Variants in CCDC66 observed in about 807,000 individuals in gnomAD.
The protein encoded by CCDC66 is coiled-coil domain-containing protein 66.
A neutral mutation model predicts 128.3 loss-of-function variants in CCDC66; 133 were observed. The observed-to-expected ratio is 1.04, with a 90% CI of 0.90 to 1.20. The LOEUF (loss-of-function observed/expected upper bound fraction) is 1.20. Ranked by LOEUF, CCDC66 falls within the 50% of genes most tolerant of loss-of-function variation. The pLI, the probability that CCDC66 is intolerant of heterozygous loss-of-function variation, is 0.00. For synonymous variants in CCDC66, 387 were observed against 357.0 expected (o/e 1.08, Z -0.95); for missense variants, 1,126 against 1,075.5 (o/e 1.05, Z -0.66).
chr3:56,558,580 T>C (rs2064685479), intron 1 of CCDC66, among the ~76,000 whole-genome samples: 1 of 152,226 alleles, frequency 6.6e-6, no homozygotes, highest in Admixed American at 6.5e-5. Context: ...TAACTTAATT[T>C]ATAGTTTACC....
At chr3:56,582,126 C>T (rs1270465847) in intron 7 of CCDC66, among the ~76,000 whole-genome samples, 1 of 151,918 alleles carries the variant, frequency 6.6e-6, no homozygotes, top group African/African-American at 2.4e-5. Flanking sequence ...GGACGCCCCT[C>T]CCCAGCCTTG....
chr3:56,562,071 T>G (rs1216852524), intron 3 of CCDC66, among the ~76,000 whole-genome samples: 2 of 151,944 alleles, frequency 1.3e-5, no homozygotes, highest in Admixed American at 1.3e-4. Context: ...AGGCAGGCTC[T>G]CTCTCTTTGT....
At chr3:56,596,825 G>A (rs1397893239) in intron 10 of CCDC66, among the ~76,000 whole-genome samples, 1 of 146,814 alleles carries the variant, frequency 6.8e-6, no homozygotes, top group Non-Finnish European at 1.5e-5. Context: ...GACGTGATCA[G>A]CTCACTGCCG....
Position 56,564,138 on chromosome 3 carries a change from T to A in CCDC66, c.544+13T>A. On this transcript the variant is annotated intron_variant, in intron 4 of 17. Coordinates refer to ENST00000394672, the MANE Select transcript of CCDC66 (RefSeq NM_001141947.3). ...AAGGAGGCAAAAAGTAAGATTTTTC[T>A]AAAGTTTTCATGAATTTTGATTTTT... 6.4e-7 allele frequency: 1 copy of A among 1,573,354 alleles called. No individual in the cohort carries two copies. Among genetic ancestry groups the A allele is most frequent in the South Asian group, 1.2e-5 (1 of 85,774 alleles).
intron 7 of CCDC66, among the ~76,000 whole-genome samples, chr3:56,573,941 T>G (rs28493474): frequency 1.3e-5 from 2 of 151,748 alleles, no homozygotes; most frequent in Non-Finnish European, 2.9e-5. Context: ...ATTTAAAAAA[T>G]TTTTGGAATC....
chr3:56,583,849 G>T (rs2068877937), intron 7 of CCDC66, among the ~76,000 whole-genome samples: 1 of 151,630 alleles, frequency 6.6e-6, no homozygotes, highest in Admixed American at 6.6e-5. Context: ...AGGAAGAGGG[G>T]CTCCTCACTT....
At chr3:56,571,061 TC>T (rs2066548406) in intron 6 of CCDC66, 119 bp from the exon 7 acceptor site, 1 of 655,630 alleles carries the variant, frequency 1.5e-6, no homozygotes, top group Admixed American at 3.9e-5. Context: ...TTAATCTCCT[TC>T]CTAAAAAAGA....
intron 10 of CCDC66, among the ~76,000 whole-genome samples, chr3:56,613,217 G>A (rs186415665): frequency 1.3e-4 from 20 of 152,286 alleles, no homozygotes; most frequent in Admixed American, 7.8e-4. Flanking sequence ...TCCAGGTAAC[G>A]CCCTGTTAGT....
intron 10 of CCDC66, among the ~76,000 whole-genome samples, chr3:56,598,471 G>A (rs1342737436): frequency 1.3e-5 from 2 of 151,904 alleles, no homozygotes; most frequent in African/African-American, 2.4e-5. Context: ...AATGGTGAAA[G>A]TGGGCATCCT....
At chr3:56,565,206 T>A (rs1486407639) in intron 4 of CCDC66, 1 of 360,140 alleles carries the variant, frequency 2.8e-6, no homozygotes, top group African/African-American at 2.4e-5. Flanking sequence ...AACGTCAAGG[T>A]AATGAGTATT....
intron 10 of CCDC66, among the ~76,000 whole-genome samples, chr3:56,602,567 G>A (rs963113761): frequency 1.3e-5 from 2 of 151,946 alleles, no homozygotes; most frequent in African/African-American, 2.4e-5. Flanking sequence ...GCTCCTCTTT[G>A]TACCTCTGGT....
At position 56,566,603 on chromosome 3, in the gene CCDC66, G is replaced by C; in HGVS notation, c.554G>C (p.Ser185Thr). ...ENGKEAKSQY[S>T]LYLNSISNQP... ...GTATTTTACCTCCTAGGTCAATATA[G>C]TCTATATTTAAACAGTATTTCTAAT... The change falls in exon 5 of 18, where the codon AGT becomes ACT. Residue 185 changes from serine to threonine, a missense_variant. By Grantham distance (58) the Ser-to-Thr change is moderately conservative. Transcript: ENST00000394672. The C allele has an allele frequency of 6.4e-7, 1 of 1,566,098 alleles. No individual in the cohort carries two copies.
At chr3:56,613,073 G>A (rs757446157) in intron 10 of CCDC66, among the ~76,000 whole-genome samples, 13 of 152,168 alleles carry the variant, frequency 8.5e-5, no homozygotes, top group Non-Finnish European at 1.3e-4. Context: ...TGCAGGGGCT[G>A]TTGGGCCCCA....
At chr3:56,620,706 G>C (rs936352114) in intron 17 of CCDC66, 5 of 152,220 alleles carry the variant, frequency 3.3e-5, no homozygotes, top group African/African-American at 1.2e-4. Flanking sequence ...GTGACGAAGT[G>C]TTAGTTTACT....
At chr3:56,599,666 A>G (rs75516746) in intron 10 of CCDC66, among the ~76,000 whole-genome samples, 7,682 of 151,612 alleles carry the variant, frequency 0.051, 291 homozygotes, top group South Asian at 0.16. Flanking sequence ...ATGTGGTTTA[A>G]TTTCTATTTA....
At chr3:56,571,662 G>A (rs1362746323) in intron 7 of CCDC66, among the ~76,000 whole-genome samples, 1 of 152,108 alleles carries the variant, frequency 6.6e-6, no homozygotes, top group Non-Finnish European at 1.5e-5. Flanking sequence ...ACAGGCATGA[G>A]CCACCGTGCC....
intron 10 of CCDC66, among the ~76,000 whole-genome samples, chr3:56,607,004 C>CCTATTTTT (rs1559743270): frequency 6.6e-6 from 1 of 152,086 alleles, no homozygotes; most frequent in Non-Finnish European, 1.5e-5. Flanking sequence ...GGTCTATGTG[C>CCTATTTTT]CTATTTTTAT....
chr3:56,586,441 G>T (rs1381066787), intron 7 of CCDC66, among the ~76,000 whole-genome samples: 1 of 151,436 alleles, frequency 6.6e-6, no homozygotes, highest in East Asian at 2.0e-4. Flanking sequence ...TGAGGCAGGG[G>T]AATGGCTTGA....
chr3:56,558,402 A>G (rs1448752613), intron 1 of CCDC66, among the ~76,000 whole-genome samples: 9 of 152,234 alleles, frequency 5.9e-5, no homozygotes, highest in Admixed American at 5.9e-4. Flanking sequence ...TCAAGCAGTT[A>G]CTAACCTTGA....
Sources: allele counts gnomAD v4.1 joint callset (sites outside exome capture counted in the v4.1 genomes callset), GRCh38; gene constraint gnomAD v4.1.1; transcripts MANE v1.5; gene names NCBI Gene and HGNC (gene_info 2026-07-23, HGNC 2026-07-21).